PCDHGA1: variants seen among roughly 807,000 people sequenced by gnomAD.
The protein encoded by PCDHGA1 is protocadherin gamma subfamily A, 1, also known as protocadherin gamma-A1.
In PCDHGA1, 32 loss-of-function variants were observed where a neutral mutation model predicts 58.0. The ratio of observed to expected loss-of-function variants is 0.55; its 90% CI spans 0.42 to 0.74. PCDHGA1 has a LOEUF of 0.74. Among genes scored for constraint, PCDHGA1 ranks in the 30% least tolerant of loss-of-function variants. The probability of loss-of-function intolerance (pLI) is 0.00; values close to 1 mark genes in which losing one functional copy is unlikely to be tolerated. For synonymous variants in PCDHGA1, 498 were observed against 501.1 expected (o/e 0.99, Z 0.08); for missense variants, 1,205 against 1,182.3 (o/e 1.02, Z -0.28).
rs762687404 is a variant in PCDHGA1 at position 141,486,468 on chromosome 5, A to G, written c.2422-8339A>G. Reference sequence around the variant, plus strand: ...ATGGTCACTGCTTCTGATGCTGGGAACCCTCCTCTCAGTACCCACAGAACT... The same window carrying G: ...ATGGTCACTGCTTCTGATGCTGGGAGCCCTCCTCTCAGTACCCACAGAACT... On this transcript the variant is annotated intron_variant, in intron 1 of 3. Transcript: ENST00000517417. This position sits in a 1 kb window ranked among gnomAD's most constrained non-coding sequence, Gnocchi z 5.0. The G allele has an allele frequency of 1.2e-6, 2 of 1,612,906 alleles. No individual in the cohort carries two copies. Among genetic ancestry groups the G allele is most frequent in the Middle Eastern group, 1.6e-4 (1 of 6,062 alleles).
At chr5:141,423,448 T>A (rs780751840) in intron 1 of PCDHGA1, 1 of 1,613,992 alleles carries the variant, frequency 6.2e-7, no homozygotes, top group East Asian at 2.2e-5. Context: ...CACGTCACAT[T>A]TTGTAGGCGT....
intron 1 of PCDHGA1, among the ~76,000 whole-genome samples, chr5:141,454,252 A>T (rs1288181537): frequency 6.6e-6 from 1 of 152,214 alleles, no homozygotes; most frequent in Non-Finnish European, 1.5e-5. Context: ...AAGATGTCCC[A>T]GAGAAAGTAA....
chr5:141,495,199 G>A (rs1205495643), intron 2 of PCDHGA1, among the ~76,000 whole-genome samples: 1 of 152,164 alleles, frequency 6.6e-6, no homozygotes, highest in African/African-American at 2.4e-5. Context: ...CCCATGTACT[G>A]CCTAACCCCC....
chr5:141,493,052 T>G lies in PCDHGA1; in HGVS notation c.2422-1755T>G, dbSNP rs1362566525. 6.6e-6 allele frequency among the ~76,000 whole-genome samples: 1 copy of G among 152,104 alleles called. No individual in the cohort carries two copies. The highest frequency in any genetic ancestry group is 2.4e-5 in the African/African-American group (1 of 41,416). Reference sequence around the variant, plus strand: ...CTTATGTGTGAGGAAACTACAATAGTAAAAAACACAAGTTTCTCCAACTCC... The same window carrying G: ...CTTATGTGTGAGGAAACTACAATAGGAAAAAACACAAGTTTCTCCAACTCC... On this transcript the variant is annotated intron_variant, in intron 1 of 3. Coordinates refer to ENST00000517417, the MANE Select transcript of PCDHGA1 (RefSeq NM_018912.3). This position sits in a 1 kb window ranked among gnomAD's most constrained non-coding sequence, Gnocchi z 4.3.
At position 141,487,510 on chromosome 5, in the gene PCDHGA1, C is replaced by A; in HGVS notation, c.2422-7297C>A. On this transcript the variant is annotated intron_variant, in intron 1 of 3. Transcript: ENST00000517417. The surrounding 1 kb of genome is among the most constrained non-coding windows in gnomAD (Gnocchi z 5.0). ...GCTGTACACCCTTGGCTTCTGCACC[C>A]ACTCGGAGTGATAGCTTCATGATGG... is the stretch of plus-strand genomic sequence containing the variant. The A allele has an allele frequency of 6.2e-7, 1 of 1,614,210 alleles. No homozygotes were observed. Among genetic ancestry groups the A allele is most frequent in the Non-Finnish European group, 8.5e-7 (1 of 1,180,042 alleles).
chr5:141,464,068 C>A (rs2099075218), intron 1 of PCDHGA1, among the ~76,000 whole-genome samples: 1 of 152,036 alleles, frequency 6.6e-6, no homozygotes, highest in Admixed American at 6.6e-5. Flanking sequence ...AGTTCAAGGC[C>A]AGCCTGGCCA....
chr5:141,445,137 T>C (rs933188032), intron 1 of PCDHGA1, among the ~76,000 whole-genome samples: 9 of 152,248 alleles, frequency 5.9e-5, no homozygotes, highest in Admixed American at 3.3e-4. Context: ...AAATTGTATC[T>C]TCTAATTGTT....
intron 1 of PCDHGA1, among the ~76,000 whole-genome samples, chr5:141,348,971 G>A (rs935801393): frequency 6.6e-6 from 1 of 152,136 alleles, no homozygotes; most frequent in Non-Finnish European, 1.5e-5. Flanking sequence ...CCAAAATTGG[G>A]TGTCTAAGAA....
At chr5:141,424,016 T>G in intron 1 of PCDHGA1, 16 of 1,038,360 alleles carry the variant, frequency 1.5e-5, no homozygotes, top group Non-Finnish European at 1.3e-5. Context: ...AAATTAATGA[T>G]TCACAAACAC....
chr5:141,450,663 T>C (rs957466690), intron 1 of PCDHGA1, among the ~76,000 whole-genome samples: 1 of 151,652 alleles, frequency 6.6e-6, no homozygotes, highest in Non-Finnish European at 1.5e-5. Flanking sequence ...ATTTTTGTAC[T>C]TTTAGTAGAA....
intron 1 of PCDHGA1, chr5:141,413,021 C>A: frequency 2.8e-6 from 2 of 714,374 alleles, no homozygotes; most frequent in Non-Finnish European, 4.4e-6. Context: ...TACACAAGCC[C>A]CACAAACCGG....
chr5:141,449,066 A>G (rs1234801725), intron 1 of PCDHGA1, among the ~76,000 whole-genome samples: 3 of 152,188 alleles, frequency 2.0e-5, no homozygotes, highest in African/African-American at 4.8e-5. Context: ...GCGCTATTGA[A>G]TAGCCCTGTA....
chr5:141,465,689 C>A (rs2099107540), intron 1 of PCDHGA1, among the ~76,000 whole-genome samples: 1 of 152,162 alleles, frequency 6.6e-6, no homozygotes, highest in African/African-American at 2.4e-5. Context: ...GACCAGTCTG[C>A]TTTTGCATTG....
intron 1 of PCDHGA1, chr5:141,399,447 C>CAT: frequency 6.2e-7 from 1 of 1,614,006 alleles, no homozygotes; most frequent in Non-Finnish European, 8.5e-7. Flanking sequence ...ATATCAGAGA[C>CAT]GTCAACGATA....
At chr5:141,372,231 G>C (rs868293386) in intron 1 of PCDHGA1, 4 of 1,613,256 alleles carry the variant, frequency 2.5e-6, no homozygotes, top group Non-Finnish European at 3.4e-6. Context: ...GCAGGCCAGC[G>C]AGCCCGGGCT....
intron 1 of PCDHGA1, among the ~76,000 whole-genome samples, chr5:141,469,864 C>T (rs963843852): frequency 6.6e-6 from 1 of 152,218 alleles, no homozygotes; most frequent in African/African-American, 2.4e-5. Flanking sequence ...GGTGCAATGG[C>T]TCACGCCTGT....
intron 1 of PCDHGA1, among the ~76,000 whole-genome samples, chr5:141,347,644 G>A (rs140352212): frequency 2.3e-3 from 346 of 152,142 alleles, no homozygotes; most frequent in African/African-American, 8.1e-3. Context: ...AAAATTAGCT[G>A]GGCATGGTGG....
At chr5:141,348,199 A>T (rs1758079809) in intron 1 of PCDHGA1, among the ~76,000 whole-genome samples, 1 of 152,264 alleles carries the variant, frequency 6.6e-6, no homozygotes, top group Admixed American at 6.5e-5. Flanking sequence ...AAAAGAATAG[A>T]TTCCTCCCTC....
In PCDHGA1 at chr5:141,431,892, A is replaced by G. The variant is rs1456048000; in HGVS notation, c.2422-62915A>G. The G allele has an allele frequency of 2.1e-5, 34 of 1,614,054 alleles. No homozygotes were observed. Among genetic ancestry groups the G allele is most frequent in the Non-Finnish European group, 2.7e-5 (32 of 1,179,972 alleles). ...AATGTAAATGACCAAGATTCTGAGG[A>G]AAACGGACAGGTGATCTGTTTCATC... is the stretch of plus-strand genomic sequence containing the variant. On this transcript the variant is annotated intron_variant, in intron 1 of 3. Transcript: ENST00000517417. The surrounding 1 kb of genome is among the most constrained non-coding windows in gnomAD (Gnocchi z 4.8).
Sources: allele counts gnomAD v4.1 joint callset (sites outside exome capture counted in the v4.1 genomes callset), GRCh38; gene constraint gnomAD v4.1.1; non-coding constraint Gnocchi (gnomAD v3.1); transcripts MANE v1.5; gene names NCBI Gene and HGNC (gene_info 2026-07-23, HGNC 2026-07-21).